NSL1: variants seen among roughly 807,000 people sequenced by gnomAD.
NSL1 encodes kinetochore-associated protein NSL1 homolog.
In NSL1, 11 loss-of-function variants were observed where a neutral mutation model predicts 25.4. The observed-to-expected ratio is 0.43, with a 90% CI of 0.27 to 0.72. The LOEUF is 0.72. NSL1 is among the 30% of genes least tolerant of loss of function. The pLI, the probability that NSL1 is intolerant of heterozygous loss-of-function variation, is 0.19. For synonymous variants in NSL1, 118 were observed against 120.6 expected, an observed-to-expected ratio of 0.98 and a Z score of 0.14; for missense variants, 330 against 342.7, an observed-to-expected ratio of 0.96 and a Z score of 0.29.
At chr1:212,785,876 T>C (rs1484990114) in intron 2 of NSL1, among the ~76,000 whole-genome samples, 1 of 152,226 alleles carries the variant, frequency 6.6e-6, no homozygotes, top group Non-Finnish European at 1.5e-5. Context: ...AACATAATTT[T>C]TGAAACATTT....
intron 4 of NSL1, among the ~76,000 whole-genome samples, chr1:212,769,163 G>A (rs1659982559): frequency 6.6e-6 from 1 of 152,084 alleles, no homozygotes; most frequent in Non-Finnish European, 1.5e-5. Flanking sequence ...GTTGTAGAGG[G>A]AGAAGGGATG....
chr1:212,791,685 A>G lies in NSL1; in HGVS notation c.79T>C (p.Leu27=). The G allele has an allele frequency of 1.2e-6, 2 of 1,613,992 alleles. No homozygotes were observed. The highest frequency in any genetic ancestry group is 1.7e-6 in the Non-Finnish European group (2 of 1,180,028). The change falls in exon 1 of 6, where the codon TTG becomes CTG. Residue 27 remains leucine (L), a synonymous_variant. Coordinates refer to ENST00000366977, the MANE Select transcript of NSL1 (RefSeq NM_015471.4). ...ELAAGTESQA[L]VSATPREDFR... ...TCTTCTCGGGGAGTGGCGGAGACCA[A>G]GGCCTGGCTCTCTGTGCCAGCCGCG... is the stretch of plus-strand genomic sequence containing the variant.
chr1:212,763,418 T>C (rs1456758902), intron 4 of NSL1, among the ~76,000 whole-genome samples: 1 of 151,856 alleles, frequency 6.6e-6, no homozygotes, highest in Non-Finnish European at 1.5e-5. Flanking sequence ...ACATGATGAA[T>C]AGAACAGTAC....
rs1658115268 is a variant in NSL1 at position 212,733,573 on chromosome 1, A to T, written c.*4835T>A. ...TGCCTGTTCTGGACAGTTCATTTAC[A>T]TGGAGTCTACAAAATTCAGCAGTCT... On this transcript the variant is annotated 3_prime_UTR_variant, in exon 6 of 6. Coordinates refer to ENST00000366977, the MANE Select transcript of NSL1 (RefSeq NM_015471.4). 1.3e-5 allele frequency among the ~76,000 whole-genome samples: 2 copies of T among 152,102 alleles called. No homozygotes were observed. Among genetic ancestry groups the T allele is most frequent in the South Asian group, 2.1e-4 (1 of 4,824 alleles).
At chr1:212,785,016 A>G (rs1558065868) in intron 2 of NSL1, among the ~76,000 whole-genome samples, 2 of 152,238 alleles carry the variant, frequency 1.3e-5, no homozygotes, top group African/African-American at 2.4e-5. Flanking sequence ...AGACCTGAGA[A>G]AAGTTCTAAA....
intron 4 of NSL1, among the ~76,000 whole-genome samples, chr1:212,780,180 G>A (rs1660655947): frequency 6.6e-6 from 1 of 151,772 alleles, no homozygotes; most frequent in Non-Finnish European, 1.5e-5. Flanking sequence ...TCGGCCTTGG[G>A]ATCCTGTTGA....
At chr1:212,780,179 G>A (rs1205497648) in intron 4 of NSL1, among the ~76,000 whole-genome samples, 1 of 151,700 alleles carries the variant, frequency 6.6e-6, no homozygotes, top group Non-Finnish European at 1.5e-5. Context: ...TTCGGCCTTG[G>A]GATCCTGTTG....
Position 212,737,619 on chromosome 1 carries a change from C to A in NSL1, c.*789G>T, listed in dbSNP as rs1658285231. On this transcript the variant is annotated 3_prime_UTR_variant, in exon 6 of 6. Transcript: ENST00000366977. ...GTTCAATAACACAATGACACTTTGC[C>A]AGTGTATTAATCTGATATATATTTT... 1.1e-6 allele frequency: 1 copy of A among 944,902 alleles called. No individual in the cohort carries two copies. Among genetic ancestry groups the A allele is most frequent in the African/African-American group, 1.8e-5 (1 of 56,332 alleles). The allele number at this position is 944,902 out of a possible 1,614,324, so 58.5% of individuals were successfully genotyped here.
chr1:212,756,467 T>C (rs1353400941), intron 4 of NSL1, among the ~76,000 whole-genome samples: 1 of 152,160 alleles, frequency 6.6e-6, no homozygotes, highest in Non-Finnish European at 1.5e-5. Context: ...TTATATAAAA[T>C]TATGTATTGT....
intron 4 of NSL1, among the ~76,000 whole-genome samples, chr1:212,759,678 G>T (rs532450605): frequency 2.0e-5 from 3 of 152,126 alleles, no homozygotes; most frequent in South Asian, 2.1e-4. Flanking sequence ...GGGCCCAAAA[G>T]CCCCTACATC....
At chr1:212,765,921 G>T (rs1311315673) in intron 4 of NSL1, among the ~76,000 whole-genome samples, 3 of 152,024 alleles carry the variant, frequency 2.0e-5, no homozygotes, top group Non-Finnish European at 2.9e-5. Flanking sequence ...TGGATCACGA[G>T]GTCAGGAGAT....
chr1:212,729,713 G>A lies in NSL1; in HGVS notation c.*8695C>T. 1 of 985,378 alleles carries A rather than the reference G, an allele frequency of 1.0e-6. No individual in the cohort carries two copies. Among genetic ancestry groups the A allele is most frequent in the South Asian group, 4.7e-5 (1 of 21,282 alleles). The allele number at this position is 985,378 out of a possible 1,614,324, so 61.0% of individuals were successfully genotyped here. ...GAAGGAAATGAAGCAAGATACCAAG[G>A]TCAAATCCTCCTCTCTTTTCCTTTT... On this transcript the variant is annotated 3_prime_UTR_variant, in exon 6 of 6. Coordinates refer to ENST00000366977, the MANE Select transcript of NSL1 (RefSeq NM_015471.4).
chr1:212,743,933 C>T (rs1658624948), intron 4 of NSL1, among the ~76,000 whole-genome samples: 2 of 152,062 alleles, frequency 1.3e-5, no homozygotes, highest in South Asian at 4.2e-4. Context: ...ATTGTTTTGA[C>T]CTGGTGAGTG....
chr1:212,779,985 C>G (rs1178468813), intron 4 of NSL1, among the ~76,000 whole-genome samples: 1 of 152,014 alleles, frequency 6.6e-6, no homozygotes, highest in Non-Finnish European at 1.5e-5. Flanking sequence ...GCCCGGCCGC[C>G]ACCCCGTCTG....
At position 212,766,141 on chromosome 1, in the gene NSL1, A is replaced by T. The variant is rs993901700; in HGVS notation, c.499+16231T>A. 18 of 530,688 alleles carry T rather than the reference A, an allele frequency of 3.4e-5. 1 individual carries two copies. The Admixed American group carries it at 5.9e-4, about 17-fold the overall frequency. 32.9% of individuals were successfully genotyped at this position (530,688 alleles called of 1,614,324 possible). ...ACAGAGCGAGACTCCATCTCAAAAA[A>T]AAAAAAACAAAAAAACCCTCAACAA... On this transcript the variant is annotated intron_variant, in intron 4 of 5. Transcript: ENST00000366977.
rs948473352 is a variant in NSL1 at position 212,737,271 on chromosome 1, T to A, written c.*1137A>T. ...AATGCAACAAAGTGGCTTTATAAGT[T>A]TTCTTCACTGAGACAGACCTTCTGG... On this transcript the variant is annotated 3_prime_UTR_variant, in exon 6 of 6. Transcript: ENST00000366977. The A allele has an allele frequency of 9.1e-6, 9 of 985,216 alleles. No homozygotes were observed. In the African/African-American group the frequency reaches 1.6e-4, roughly 17 times the overall value. The allele number at this position is 985,216 out of a possible 1,614,324, so 61.0% of individuals were successfully genotyped here.
chr1:212,772,312 G>A (rs910484079), intron 4 of NSL1, among the ~76,000 whole-genome samples: 6 of 151,958 alleles, frequency 3.9e-5, no homozygotes, highest in African/African-American at 9.7e-5. Context: ...AGCAATCTAC[G>A]AATACAATGT....
At chr1:212,748,834 C>T (rs1296132649) in intron 4 of NSL1, among the ~76,000 whole-genome samples, 2 of 152,096 alleles carry the variant, frequency 1.3e-5, no homozygotes, top group African/African-American at 4.8e-5. Flanking sequence ...TCTTTTTCTT[C>T]AACCTCAATA....
chr1:212,727,239 A>G lies in NSL1; in HGVS notation c.*11169T>C, dbSNP rs751225352. The G allele has an allele frequency of 2.4e-5, 34 of 1,422,626 alleles. No homozygotes were observed. The highest frequency in any genetic ancestry group is 2.9e-5 in the Non-Finnish European group (31 of 1,079,552). The allele number at this position is 1,422,626 out of a possible 1,614,324, so 88.1% of individuals were successfully genotyped here. A position where few individuals can be genotyped will look rare whatever the true frequency, so the allele number is the denominator to read the frequency against. ...AGATCTCTTTTTCTGAAAACTATAT[A>G]TGGCTTTCAAGACTTGCCTTGAGAC... is the stretch of plus-strand genomic sequence containing the variant. On this transcript the variant is annotated 3_prime_UTR_variant, in exon 6 of 6. Transcript: ENST00000366977.
Sources: gnomAD v4.1 joint callset for allele counts (sites outside exome capture counted in the v4.1 genomes callset) on GRCh38, gnomAD v4.1.1 for gene constraint, MANE v1.5 for transcripts, NCBI Gene and HGNC (gene_info 2026-07-23, HGNC 2026-07-21) for gene names.